The following PAK3 variants were observed in gnomAD, a reference collection of about 807,000 sequenced individuals.
PAK3 encodes p21 (RAC1) activated kinase 3.
Under a neutral mutation model 41.0 loss-of-function variants are expected in PAK3, and 4 were observed. The ratio of observed to expected loss-of-function variants is 0.10; its 90% CI spans 0.05 to 0.22. The LOEUF is 0.22. PAK3 is among the 10% of genes least tolerant of loss of function. The pLI, the probability that PAK3 is intolerant of heterozygous loss-of-function variation, is 1.00. For synonymous variants in PAK3, 146 were observed against 139.6 expected (o/e 1.05, Z -0.32); for missense variants, 205 against 409.9 (o/e 0.50, Z 4.32).
intron 16 of PAK3, among the ~76,000 whole-genome samples, chrX:111,205,860 GA>G (rs2094740852): frequency 1.8e-5 from 2 of 111,675 alleles, no homozygotes; most frequent in Non-Finnish European, 3.8e-5. Flanking sequence ...TGGTAATTTG[GA>G]AAAGCCCAAA....
intron 8 of PAK3, among the ~76,000 whole-genome samples, chrX:111,157,784 T>C (rs2094125714): frequency 9.8e-6 from 1 of 101,662 alleles, no homozygotes; most frequent in South Asian, 4.3e-4. Flanking sequence ...CGAAACTCCA[T>C]CTCAAAAAAA....
intron 1 of PAK3, among the ~76,000 whole-genome samples, chrX:110,965,763 C>T (rs1237373083): frequency 1.8e-5 from 2 of 112,190 alleles, no homozygotes; most frequent in African/African-American, 3.2e-5. Context: ...TGACAGAGCA[C>T]CTACTGTGGA....
intron 1 of PAK3, among the ~76,000 whole-genome samples, chrX:110,946,093 G>A (rs780077011): frequency 9.0e-6 from 1 of 111,446 alleles, no homozygotes; most frequent in African/African-American, 3.3e-5. Context: ...TATTGTGGGA[G>A]CCCAAGGGAG....
At chrX:111,190,045 G>A (rs764373637) in intron 11 of PAK3, among the ~76,000 whole-genome samples, 6 of 111,721 alleles carry the variant, frequency 5.4e-5, no homozygotes, top group Non-Finnish European at 1.1e-4. Context: ...TGAGCTCTGA[G>A]CCCAGAATCT....
At position 111,155,365 on chromosome X, in the gene PAK3, G is replaced by A. The variant is rs1603309912; in HGVS notation, c.468+2918G>A. 2.7e-5 allele frequency among the ~76,000 whole-genome samples: 3 copies of A among 109,979 alleles called. No individual in the cohort carries two copies. In the Admixed American group the frequency reaches 2.9e-4, roughly 11 times the overall value. ...ATAATGCAAAAACTAGCTGGGCATG[G>A]TGGTGCACACCTGCAGTCCCAACTA... is the stretch of plus-strand genomic sequence containing the variant. On this transcript the variant is annotated intron_variant, in intron 8 of 17. Transcript: ENST00000372007.
chrX:110,974,881 G>A (rs1265973391), intron 1 of PAK3, among the ~76,000 whole-genome samples: 1 of 111,635 alleles, frequency 9.0e-6, no homozygotes, highest in Non-Finnish European at 1.9e-5. Context: ...CTCAATAGAT[G>A]CAGAAAAGGC....
At chrX:111,167,291 G>C (rs1278302121) in intron 10 of PAK3, among the ~76,000 whole-genome samples, 1 of 110,902 alleles carries the variant, frequency 9.0e-6, no homozygotes, top group Non-Finnish European at 1.9e-5. Flanking sequence ...CCTGTGCTGA[G>C]AGGCAAAAGA....
intron 11 of PAK3, among the ~76,000 whole-genome samples, chrX:111,180,081 A>G (rs2094448971): frequency 3.6e-5 from 4 of 111,589 alleles, no homozygotes; most frequent in Admixed American, 9.5e-5. Context: ...TTTAATTGCC[A>G]GCTTTCATTG....
intron 1 of PAK3, among the ~76,000 whole-genome samples, chrX:110,988,293 C>T (rs2091583190): frequency 8.9e-6 from 1 of 111,779 alleles, no homozygotes; most frequent in Admixed American, 9.5e-5. Context: ...CAATTGTTAC[C>T]CACTGCTCAG....
At chrX:111,040,350 C>G (rs1467259473) in intron 1 of PAK3, among the ~76,000 whole-genome samples, 1 of 111,628 alleles carries the variant, frequency 9.0e-6, no homozygotes, top group African/African-American at 3.3e-5. Context: ...AACTAAGTGC[C>G]CAGTAAATAT....
At chrX:111,189,329 G>A (rs1218608462) in intron 11 of PAK3, among the ~76,000 whole-genome samples, 1 of 111,631 alleles carries the variant, frequency 9.0e-6, no homozygotes, top group East Asian at 2.8e-4. Context: ...CAGCATTCAT[G>A]GGCCCATAGG....
rs1324901446 is a variant in PAK3, at chrX:111,220,961, A to AC, written c.*514_*515insC. ...AAAGCAAGGCAAAAAAAAAAAAAAAAACAAACAAAAACAAAAACAAAACAA... is the reference window on the plus strand; with the variant it reads ...AAAGCAAGGCAAAAAAAAAAAAAAAACACAAACAAAAACAAAAACAAAACAA... On this transcript the variant is annotated 3_prime_UTR_variant, in exon 18 of 18. Coordinates refer to ENST00000372007, the MANE Select transcript of PAK3 (RefSeq NM_002578.5). 6 of 108,191 alleles carry AC rather than the reference A, an allele frequency of 5.5e-5. No individual in the cohort carries two copies. Among genetic ancestry groups the AC allele is most frequent in the African/African-American group, 2.0e-4 (6 of 29,440 alleles). The allele number at this position is 108,191 out of a possible 1,213,427, so 8.9% of individuals were successfully genotyped here.
At chrX:111,062,014 C>T (rs1238428623) in intron 1 of PAK3, among the ~76,000 whole-genome samples, 5 of 110,735 alleles carry the variant, frequency 4.5e-5, no homozygotes, top group South Asian at 3.9e-4. Flanking sequence ...GACAGGGTCT[C>T]GCTATGTTGT....
intron 6 of PAK3, among the ~76,000 whole-genome samples, chrX:111,145,670 A>G (rs2093934603): frequency 9.0e-6 from 1 of 111,593 alleles, no homozygotes; most frequent in Non-Finnish European, 1.9e-5. Context: ...GAGTAACCCT[A>G]AATACCAGGA....
intron 17 of PAK3, chrX:111,216,778 G>C (rs2094884213): frequency 4.8e-6 from 1 of 207,936 alleles, no homozygotes; most frequent in Admixed American, 9.7e-5. Flanking sequence ...AATCTCTTTT[G>C]TTCTTCCTGG....
chrX:110,961,839 A>G (rs754671252), intron 1 of PAK3, among the ~76,000 whole-genome samples: 1 of 112,193 alleles, frequency 8.9e-6, no homozygotes, highest in East Asian at 2.8e-4. Context: ...GACAAATCTA[A>G]TGAATAGTTC....
chrX:111,192,705 T>G, intron 13 of PAK3, 87 bp downstream of exon 13: 2 of 531,877 alleles, frequency 3.8e-6, no homozygotes, highest in East Asian at 7.3e-5. Flanking sequence ...ATTCGTTCAT[T>G]TAACATTCTG....
At chrX:111,006,847 TTC>T (rs1440366341) in intron 1 of PAK3, among the ~76,000 whole-genome samples, 17 of 11,891 alleles carry the variant, frequency 1.4e-3, no homozygotes, top group Admixed American at 5.8e-3. Context: ...CTTTCTTTCT[TTC>T]TTTTTTTTTT....
intron 1 of PAK3, among the ~76,000 whole-genome samples, chrX:110,990,119 A>C (rs2148667607): frequency 8.9e-6 from 1 of 111,832 alleles, no homozygotes; most frequent in South Asian, 3.9e-4. Context: ...TCTGGGGCTC[A>C]AAGTCCAGAC....
Sources: allele counts gnomAD v4.1 joint callset (sites outside exome capture counted in the v4.1 genomes callset), GRCh38; gene constraint gnomAD v4.1.1; transcripts MANE v1.5; gene names NCBI Gene and HGNC (gene_info 2026-07-23, HGNC 2026-07-21).